Variants in CRTAC1 observed in about 807,000 individuals in gnomAD.
The protein encoded by CRTAC1 is acidic secreted protein in cartilage.
Under a neutral mutation model 67.8 loss-of-function variants are expected in CRTAC1, and 37 were observed. The observed-to-expected ratio is 0.55, with a 90% CI of 0.42 to 0.72. The LOEUF is 0.72. Among genes scored for constraint, CRTAC1 ranks in the 30% least tolerant of loss-of-function variants. The probability of loss-of-function intolerance (pLI) is 0.00; values close to 1 mark genes in which losing one functional copy is unlikely to be tolerated. For missense variants in CRTAC1, 780 were observed against 931.6 expected (o/e 0.84, Z 2.12); for synonymous variants, 348 against 371.0 (o/e 0.94, Z 0.71).
chr10:97,936,054 C>G, intron 3 of CRTAC1, 116 bp downstream of exon 3: 1 of 983,250 alleles, frequency 1.0e-6, no homozygotes, highest in Non-Finnish European at 1.5e-6. Flanking sequence ...GGGGCAGTGC[C>G]TAGGGGGACA....
intron 2 of CRTAC1, among the ~76,000 whole-genome samples, chr10:97,944,096 A>G (rs2051221396): frequency 6.6e-6 from 1 of 152,198 alleles, no homozygotes; most frequent in Non-Finnish European, 1.5e-5. Flanking sequence ...TGGCGACTGT[A>G]AGGCAAGATA....
chr10:98,021,018 T>C (rs867236536), intron 1 of CRTAC1, among the ~76,000 whole-genome samples: 1 of 137,342 alleles, frequency 7.3e-6, no homozygotes, highest in Admixed American at 6.9e-5. Flanking sequence ...CACTCATTCA[T>C]TCATTCATTC....
chr10:97,933,770 G>C (rs758997445), intron 3 of CRTAC1, among the ~76,000 whole-genome samples: 14 of 152,212 alleles, frequency 9.2e-5, no homozygotes, highest in Non-Finnish European at 1.2e-4. Flanking sequence ...TAAATGAGTA[G>C]GGTTGTTGTG....
At chr10:97,985,648 T>C (rs2051968559) in intron 2 of CRTAC1, among the ~76,000 whole-genome samples, 1 of 152,170 alleles carries the variant, frequency 6.6e-6, no homozygotes, top group Non-Finnish European at 1.5e-5. Flanking sequence ...GAGGTGCACT[T>C]GCCTCTGCAA....
At chr10:97,885,110 G>A (rs1414056665) in intron 11 of CRTAC1, among the ~76,000 whole-genome samples, 1 of 152,216 alleles carries the variant, frequency 6.6e-6, no homozygotes, top group Non-Finnish European at 1.5e-5. Flanking sequence ...GGGCAAGTAG[G>A]TAAGGAGGAG....
intron 8 of CRTAC1, among the ~76,000 whole-genome samples, chr10:97,897,241 G>A (rs1007324154): frequency 1.3e-5 from 2 of 152,140 alleles, no homozygotes; most frequent in Non-Finnish European, 2.9e-5. Flanking sequence ...AGGCAGCCTG[G>A]GGAAGGGCAG....
chr10:98,002,761 CTTTTTTTTTTTTTTTTTTTTT>C lies in CRTAC1; in HGVS notation c.224+8356_224+8376del, dbSNP rs531021933. Among the ~76,000 whole-genome samples, 6 of 37,296 alleles carry C rather than the reference CTTTTTTTTTTTTTTTTTTTTT, an allele frequency of 1.6e-4. No individual in the cohort carries two copies. In the East Asian group the frequency reaches 2.3e-3, roughly 14 times the overall value. The allele number at this position is 37,296 out of a possible 152,430, so 24.5% of individuals were successfully genotyped here. A position where few individuals can be genotyped will look rare whatever the true frequency, so the allele number is the denominator to read the frequency against. On this transcript the variant is annotated intron_variant, in intron 2 of 14. Transcript: ENST00000370597. ...TTTTAGGAATTCTTTACAAAACTCA[CTTTTTTTTTTTTTTTTTTTTT>C]TTTTTTTTTTTTTTTTGAGAGAGTC...
intron 11 of CRTAC1, among the ~76,000 whole-genome samples, chr10:97,885,016 C>T (rs2136542672): frequency 6.6e-6 from 1 of 152,322 alleles, no homozygotes; most frequent in East Asian, 1.9e-4. Flanking sequence ...TGGGGATGCC[C>T]CTGTTCTCAT....
At chr10:97,967,103 A>T (rs1364706129) in intron 2 of CRTAC1, among the ~76,000 whole-genome samples, 2 of 151,878 alleles carry the variant, frequency 1.3e-5, no homozygotes, top group Non-Finnish European at 2.9e-5. Context: ...ATCGACATCA[A>T]TTATTTGGAA....
intron 2 of CRTAC1, among the ~76,000 whole-genome samples, chr10:97,993,923 C>G (rs1405637718): frequency 6.6e-6 from 1 of 152,098 alleles, no homozygotes; most frequent in East Asian, 1.9e-4. Context: ...ATGGTGTCAT[C>G]TTGGCTCACT....
chr10:97,964,416 CT>C (rs2051581169), intron 2 of CRTAC1, among the ~76,000 whole-genome samples: 1 of 152,218 alleles, frequency 6.6e-6, no homozygotes, highest in Non-Finnish European at 1.5e-5. Flanking sequence ...GGAGTTGCCG[CT>C]TGACAGGCCA....
chr10:97,944,660 A>T (rs778515997), intron 2 of CRTAC1, among the ~76,000 whole-genome samples: 2 of 152,120 alleles, frequency 1.3e-5, no homozygotes, highest in African/African-American at 2.4e-5. Context: ...CTCCCCTTGA[A>T]TTTGGGCTGG....
chr10:97,942,732 A>C (rs955890381), intron 2 of CRTAC1, among the ~76,000 whole-genome samples: 5 of 152,102 alleles, frequency 3.3e-5, no homozygotes, highest in Middle Eastern at 3.4e-3. Flanking sequence ...TTAAGAACAG[A>C]GAAATTGTTT....
chr10:97,931,843 GAT>G (rs1182378306), intron 3 of CRTAC1, among the ~76,000 whole-genome samples: 2 of 152,202 alleles, frequency 1.3e-5, no homozygotes, highest in East Asian at 1.9e-4. Flanking sequence ...CCCCCCAGGG[GAT>G]GGGCTTTGAC....
At chr10:97,978,168 G>C (rs866478493) in intron 2 of CRTAC1, among the ~76,000 whole-genome samples, 1 of 152,174 alleles carries the variant, frequency 6.6e-6, no homozygotes, top group African/African-American at 2.4e-5. Flanking sequence ...TGGCCCATGG[G>C]CCAGCAGGAG....
chr10:97,912,410 T>TG (rs1340840166), intron 5 of CRTAC1, among the ~76,000 whole-genome samples: 6 of 152,120 alleles, frequency 3.9e-5, no homozygotes, highest in Non-Finnish European at 4.4e-5. Flanking sequence ...GAGGTCCCCA[T>TG]TTCCCCTAGC....
chr10:97,992,472 T>C (rs892641710), intron 2 of CRTAC1, among the ~76,000 whole-genome samples: 1 of 152,228 alleles, frequency 6.6e-6, no homozygotes, highest in Non-Finnish European at 1.5e-5. Flanking sequence ...GAAATCAGTA[T>C]GTTGAAGAGG....
Position 98,011,273 on chromosome 10 carries a change from C to G in CRTAC1, c.89G>C (p.Arg30Pro). The G allele has an allele frequency of 6.2e-7, 1 of 1,614,156 alleles. No homozygotes were observed. Among genetic ancestry groups the G allele is most frequent in the Non-Finnish European group, 8.5e-7 (1 of 1,180,018 alleles). Residue 30 changes from arginine to proline, a missense_variant, in exon 2 of 15, where the codon CGG (arginine) becomes CCG (proline). Transcript: ENST00000370597. The stretch of plus-strand genomic sequence containing the variant: ...GACTGCAGTGAACATGGGTTCAGCC[C>G]GCTGGGACCCCTCAGTGATGGGCAG... ...WFLPITEGSQ[R>P]AEPMFTAVTN...
intron 2 of CRTAC1, among the ~76,000 whole-genome samples, chr10:97,992,897 T>A (rs1483580036): frequency 2.0e-5 from 3 of 152,194 alleles, no homozygotes. Flanking sequence ...AATAACAATG[T>A]ATTGTATTCT....
Sources: gnomAD v4.1 joint callset for allele counts (sites outside exome capture counted in the v4.1 genomes callset) on GRCh38, gnomAD v4.1.1 for gene constraint, MANE v1.5 for transcripts, NCBI Gene and HGNC (gene_info 2026-07-23, HGNC 2026-07-21) for gene names.